CCDC187: variants seen among roughly 807,000 people sequenced by gnomAD.
CCDC187 encodes the protein coiled-coil domain-containing protein 187.
A neutral mutation model predicts 38.0 loss-of-function variants in CCDC187; 32 were observed. The ratio of observed to expected loss-of-function variants is 0.84; its 90% CI spans 0.64 to 1.13. CCDC187 has a LOEUF of 1.13. CCDC187 is among the 50% of genes most tolerant of loss of function. The pLI, the probability that CCDC187 is intolerant of heterozygous loss-of-function variation, is 0.00. For missense variants in CCDC187, 707 were observed against 786.8 expected, an observed-to-expected ratio of 0.90 and a Z score of 1.21; for synonymous variants, 333 against 347.9, an observed-to-expected ratio of 0.96 and a Z score of 0.48.
At chr9:136,288,190 C>A (rs1175708432) in intron 7 of CCDC187, among the ~76,000 whole-genome samples, 4 of 152,104 alleles carry the variant, frequency 2.6e-5, no homozygotes, top group Non-Finnish European at 5.9e-5. Context: ...GCTCACCCAG[C>A]GGCATACTCA....
chr9:136,292,072 C>T (rs960927469), intron 5 of CCDC187, 89 bp downstream of exon 5: 6 of 398,202 alleles, frequency 1.5e-5, no homozygotes, highest in East Asian at 7.1e-5. Flanking sequence ...TCCTTCCAGG[C>T]GGCCTGGAGC....
chr9:136,275,914 ACGGACAGGTGGGAGGCTCCAATGG>A (rs1830922892), intron 12 of CCDC187, among the ~76,000 whole-genome samples: 1 of 152,150 alleles, frequency 6.6e-6, no homozygotes, highest in Non-Finnish European at 1.5e-5. Context: ...AGCCTGGGAC[ACGGACAGGTGGGAGGCTCCAATGG>A]CCATCTGTGA....
At chr9:136,300,764 A>AT (rs1831659730) in intron 2 of CCDC187, among the ~76,000 whole-genome samples, 2 of 151,976 alleles carry the variant, frequency 1.3e-5, no homozygotes, top group African/African-American at 2.4e-5. Flanking sequence ...CACCTGGCTA[A>AT]TTTTTTTGTA....
upstream of CCDC187, among the ~76,000 whole-genome samples, chr9:136,304,926 C>T (rs1346327241): frequency 1.3e-5 from 2 of 152,202 alleles, no homozygotes; most frequent in Non-Finnish European, 2.9e-5. Flanking sequence ...ATGGAGGGCC[C>T]TCCTCCAGGC....
intron 7 of CCDC187, among the ~76,000 whole-genome samples, chr9:136,287,256 T>C (rs1218580994): frequency 6.6e-6 from 1 of 152,146 alleles, no homozygotes; most frequent in Non-Finnish European, 1.5e-5. Flanking sequence ...AAAATGAAAC[T>C]GGCCCGATGG....
Position 136,255,089 on chromosome 9 carries a change from T to C in CCDC187, c.4739A>G (p.Gln1580Arg). Reference sequence around the variant, plus strand: ...GGTGGTGGGGAGAAGGGGACTGCCCTGGTGCAGGATTGGGGGCGCCGCCTC... The same window carrying C: ...GGTGGTGGGGAGAAGGGGACTGCCCCGGTGCAGGATTGGGGGCGCCGCCTC... Reference protein sequence around the residue: ...PEEAAPPILHQGSPLLPTTSS... With the variant: ...PEEAAPPILHRGSPLLPTTSS... The change falls in exon 26 of 26, where the codon CAG becomes CGG. Residue 1580 changes from glutamine (Q) to arginine (R), a missense_variant. Physicochemically the swap from Gln to Arg is conservative, Grantham distance 43. Transcript: ENST00000638797. The C allele has an allele frequency of 2.0e-6, 2 of 985,538 alleles. No individual in the cohort carries two copies. The highest frequency in any genetic ancestry group is 1.7e-5 in the African/African-American group (1 of 57,330). The allele number at this position is 985,538 out of a possible 1,614,324, so 61.0% of individuals were successfully genotyped here.
intron 12 of CCDC187, 65 bp from the exon 13 acceptor site, chr9:136,275,072 G>T (rs111162600): frequency 6.6e-6 from 1 of 152,384 alleles, no homozygotes; most frequent in Non-Finnish European, 1.5e-5. Flanking sequence ...TGGGCATTGG[G>T]TCGGGGCGGT....
Position 136,286,163 on chromosome 9 carries a change from C to A in CCDC187, c.2755G>T (p.Glu919Ter). The change falls in exon 8 of 26, where the codon GAG (glutamate) becomes TAG (stop). Residue 919 changes from glutamate to a stop codon, truncating the protein, a stop_gained. Transcript: ENST00000638797. LOFTEE classifies it high-confidence loss of function. ...LLPPTYFLDG[E>*]TLSWGPSWEQ... ...CAGCTGGGGCCCCACGACAGTGTCTCGCCGTCCAGGAAGTAGGTCGGGGGC... is the reference window on the plus strand; with the variant it reads ...CAGCTGGGGCCCCACGACAGTGTCTAGCCGTCCAGGAAGTAGGTCGGGGGC... 2.5e-6 allele frequency: 1 copy of A among 398,584 alleles called. No individual in the cohort carries two copies. Among genetic ancestry groups the A allele is most frequent in the South Asian group, 1.3e-4 (1 of 7,854 alleles). The allele number at this position is 398,584 out of a possible 1,614,324, so 24.7% of individuals were successfully genotyped here.
chr9:136,292,628 C>G (rs992615316), intron 4 of CCDC187, among the ~76,000 whole-genome samples: 1 of 152,194 alleles, frequency 6.6e-6, no homozygotes, highest in Non-Finnish European at 1.5e-5. Context: ...CAGCACAGGC[C>G]GGGCACGCAG....
Position 136,258,511 on chromosome 9 carries a change from C to T in CCDC187, c.4366+421G>A, listed in dbSNP as rs1295353633. On this transcript the variant is annotated intron_variant, in intron 22 of 25. Coordinates refer to ENST00000638797, the MANE Select transcript of CCDC187 (RefSeq NM_001378188.1). The surrounding 1 kb of genome is among the most constrained non-coding windows in gnomAD (Gnocchi z 4.3). Reference sequence around the variant, plus strand: ...GACACTGTGAGTGCATCTGCTCCCGCCCCACCTGCAAATTGGGGACTTGGC... The same window carrying T: ...GACACTGTGAGTGCATCTGCTCCCGTCCCACCTGCAAATTGGGGACTTGGC... Among the ~76,000 whole-genome samples the T allele has an allele frequency of 6.6e-6, 1 of 152,086 alleles. No individual in the cohort carries two copies. Among genetic ancestry groups the T allele is most frequent in the Non-Finnish European group, 1.5e-5 (1 of 68,034 alleles).
chr9:136,304,720 C>T (rs1831771735), upstream of CCDC187, among the ~76,000 whole-genome samples: 1 of 152,170 alleles, frequency 6.6e-6, no homozygotes. Context: ...AGCCTGGGGA[C>T]CACCCCCTCC....
chr9:136,296,912 C>T (rs1186276146), intron 4 of CCDC187, among the ~76,000 whole-genome samples: 1 of 152,104 alleles, frequency 6.6e-6, no homozygotes, highest in Non-Finnish European at 1.5e-5. Flanking sequence ...ACTCACACAC[C>T]CCCTGTGCCT....
chr9:136,255,338 T>G (rs1554760137), intron 25 of CCDC187, among the ~76,000 whole-genome samples: 1 of 151,814 alleles, frequency 6.6e-6, no homozygotes, highest in East Asian at 1.9e-4. Flanking sequence ...CAATGAGTCA[T>G]GTCCAGGGGC....
At position 136,300,463 on chromosome 9, in the gene CCDC187, G is replaced by C. The variant is rs1588676909; in HGVS notation, c.626-145C>G. ...GGGTCTCACTCTGTCACCCAAGCTG[G>C]AGTGCAATGGCGCAATCTCAGCTCA... On this transcript the variant is annotated intron_variant, in intron 2 of 25. Coordinates refer to ENST00000638797, the MANE Select transcript of CCDC187 (RefSeq NM_001378188.1). The C allele has an allele frequency of 7.8e-6, 3 of 387,054 alleles. No individual in the cohort carries two copies. The East Asian group carries it at 1.1e-4, about 14-fold the overall frequency. 24.0% of individuals were successfully genotyped at this position (387,054 alleles called of 1,614,324 possible).
chr9:136,251,141 T>C lies in CCDC187; in HGVS notation c.*2453A>G, dbSNP rs782313159. 2 of 426,992 alleles carry C rather than the reference T, an allele frequency of 4.7e-6. No individual in the cohort carries two copies. Among genetic ancestry groups the C allele is most frequent in the Non-Finnish European group, 9.7e-6 (2 of 205,288 alleles). 26.5% of individuals were successfully genotyped at this position (426,992 alleles called of 1,614,324 possible). A position where few individuals can be genotyped will look rare whatever the true frequency, so the allele number is the denominator to read the frequency against. The stretch of plus-strand genomic sequence containing the variant: ...GGAAGGATCAGTGCTGGGACACAGA[T>C]GTCCCTAAGGCCAACACGCTGCTCA... On this transcript the variant is annotated 3_prime_UTR_variant, in exon 26 of 26. Coordinates refer to ENST00000638797, the MANE Select transcript of CCDC187 (RefSeq NM_001378188.1).
At chr9:136,301,987 G>A (rs878871206) in intron 2 of CCDC187, among the ~76,000 whole-genome samples, 121,964 of 151,850 alleles carry the variant, frequency 0.8, 49,076 homozygotes, top group East Asian at 0.87. Flanking sequence ...CGAGGTGGGC[G>A]GATCATGAGG....
At chr9:136,288,379 A>G (rs922102492) in intron 7 of CCDC187, among the ~76,000 whole-genome samples, 14 of 152,174 alleles carry the variant, frequency 9.2e-5, no homozygotes, top group Non-Finnish European at 1.9e-4. Flanking sequence ...CCCAGGGGCC[A>G]GCCTGAAGCC....
At chr9:136,276,347 G>A (rs1254807544) in intron 11 of CCDC187, 46 bp from the exon 12 acceptor site, 12 of 152,292 alleles carry the variant, frequency 7.9e-5, no homozygotes, top group African/African-American at 2.6e-4. Flanking sequence ...CCCCCAGCCA[G>A]GGAGGGTGGG....
intron 4 of CCDC187, among the ~76,000 whole-genome samples, chr9:136,293,360 T>TGC (rs1831407486): frequency 6.9e-5 from 6 of 87,580 alleles, no homozygotes; most frequent in Admixed American, 2.1e-4. Flanking sequence ...CTCACACACA[T>TGC]TCACATGCTC....
Sources: gnomAD v4.1 joint callset for allele counts (sites outside exome capture counted in the v4.1 genomes callset) on GRCh38, gnomAD v4.1.1 for gene constraint, Gnocchi (gnomAD v3.1) non-coding constraint, MANE v1.5 for transcripts, NCBI Gene and HGNC (gene_info 2026-07-23, HGNC 2026-07-21) for gene names.